The following PALS1 variants were observed in gnomAD, a reference collection of about 807,000 sequenced individuals.
PALS1 encodes the protein protein PALS1.
In PALS1, 31 loss-of-function variants were observed where a neutral mutation model predicts 78.9. That is an observed-to-expected ratio of 0.39 (90% CI 0.30 to 0.53). The LOEUF (loss-of-function observed/expected upper bound fraction) is 0.53, where lower values mean the gene tolerates loss of function less well. PALS1 is among the 20% of genes least tolerant of loss of function. The probability of loss-of-function intolerance (pLI) is 0.67; values close to 1 mark genes in which losing one functional copy is unlikely to be tolerated. For missense variants in PALS1, 704 were observed against 826.5 expected (o/e 0.85, Z 1.82); for synonymous variants, 276 against 270.9 (o/e 1.02, Z -0.18).
chr14:67,292,050 CTTTAG>C (rs1371838804), intron 3 of PALS1, among the ~76,000 whole-genome samples: 2 of 152,126 alleles, frequency 1.3e-5, no homozygotes, highest in Admixed American at 6.5e-5. Context: ...AAATGTTCAA[CTTTAG>C]TTTAATGGTT....
intron 4 of PALS1, among the ~76,000 whole-genome samples, chr14:67,298,579 A>G (rs1042391455): frequency 6.6e-5 from 10 of 152,196 alleles, no homozygotes; most frequent in African/African-American, 2.4e-4. Flanking sequence ...GTAAAAATAA[A>G]TGTCAAGAAT....
chr14:67,280,212 AG>A, intron 3 of PALS1, among the ~76,000 whole-genome samples: 1 of 152,210 alleles, frequency 6.6e-6, no homozygotes, highest in African/African-American at 2.4e-5. Context: ...TCTACAAGAG[AG>A]ATTGATATCA....
chr14:67,305,577 A>G (rs932691330), intron 8 of PALS1, among the ~76,000 whole-genome samples: 5 of 152,188 alleles, frequency 3.3e-5, no homozygotes, highest in African/African-American at 1.2e-4. Flanking sequence ...CACAATGCCC[A>G]GCCAAGACAT....
At chr14:67,295,172 A>C (rs983837614) in intron 4 of PALS1, among the ~76,000 whole-genome samples, 1 of 150,140 alleles carries the variant, frequency 6.7e-6, no homozygotes. Flanking sequence ...TATATAAAGA[A>C]CTCTTGTTGG....
chr14:67,299,203 T>A (rs953152599), intron 4 of PALS1, among the ~76,000 whole-genome samples: 4 of 152,234 alleles, frequency 2.6e-5, no homozygotes, highest in Admixed American at 2.6e-4. Context: ...CTCTATCTTT[T>A]GTGAAATATC....
chr14:67,282,083 G>A (rs2084615078), intron 3 of PALS1, among the ~76,000 whole-genome samples: 1 of 152,134 alleles, frequency 6.6e-6, no homozygotes, highest in Admixed American at 6.5e-5. Context: ...AGTCAACACA[G>A]ATATCTGTTA....
At chr14:67,315,003 G>T (rs1269927528) in intron 9 of PALS1, among the ~76,000 whole-genome samples, 1 of 152,262 alleles carries the variant, frequency 6.6e-6, no homozygotes, top group South Asian at 2.1e-4. Context: ...AGCTATTCAG[G>T]AGGCTGAGGT....
intron 3 of PALS1, among the ~76,000 whole-genome samples, chr14:67,282,990 G>A (rs989862029): frequency 6.6e-6 from 1 of 152,068 alleles, no homozygotes; most frequent in African/African-American, 2.4e-5. Flanking sequence ...AGGGATGACT[G>A]CCATCTATCA....
intron 2 of PALS1, chr14:67,271,388 T>G (rs2084404440): frequency 1.3e-5 from 2 of 152,248 alleles, no homozygotes; most frequent in South Asian, 4.1e-4. Context: ...TGAAGCCTTC[T>G]GTTGTTTGGC....
intron 14 of PALS1, among the ~76,000 whole-genome samples, chr14:67,329,649 C>A (rs1469268247): frequency 6.6e-6 from 1 of 151,778 alleles, no homozygotes; most frequent in Non-Finnish European, 1.5e-5. Context: ...TGAGATACGG[C>A]GGACGCATCA....
intron 3 of PALS1, among the ~76,000 whole-genome samples, chr14:67,286,731 G>A (rs975956962): frequency 6.6e-6 from 1 of 151,346 alleles, no homozygotes; most frequent in African/African-American, 2.4e-5. Flanking sequence ...GGTGGAATGC[G>A]ACTGTGGTCT....
intron 3 of PALS1, among the ~76,000 whole-genome samples, chr14:67,282,801 C>T (rs568497210): frequency 6.6e-6 from 1 of 152,106 alleles, no homozygotes. Flanking sequence ...GAGCAAACTA[C>T]CTTGTGAGAG....
chr14:67,291,006 T>A (rs912128199), intron 3 of PALS1, among the ~76,000 whole-genome samples: 3 of 152,176 alleles, frequency 2.0e-5, no homozygotes, highest in African/African-American at 7.2e-5. Context: ...AAATATTTTT[T>A]AATGACCTAC....
chr14:67,333,077 C>T lies in PALS1; in HGVS notation c.*121C>T. 8.3e-6 allele frequency: 7 copies of T among 847,724 alleles called. No homozygotes were observed. Among genetic ancestry groups the T allele is most frequent in the Non-Finnish European group, 1.3e-5 (7 of 553,552 alleles). The allele number at this position is 847,724 out of a possible 1,614,324, so 52.5% of individuals were successfully genotyped here. A position where few individuals can be genotyped will look rare whatever the true frequency, so the allele number is the denominator to read the frequency against. ...GAAGGCAGCAGTATAAGCTGTAGAT[C>T]TGTTCTTAGATCTCTTGAATTAGTG... is the stretch of plus-strand genomic sequence containing the variant. On this transcript the variant is annotated 3_prime_UTR_variant, in exon 15 of 15. Coordinates refer to ENST00000261681, the MANE Select transcript of PALS1 (RefSeq NM_022474.4).
intron 5 of PALS1, 117 bp downstream of exon 5, chr14:67,301,583 T>C: frequency 1.8e-6 from 1 of 562,758 alleles, no homozygotes. Flanking sequence ...TTTTGATGTT[T>C]ACAACCCCAT....
chr14:67,291,234 CT>C (rs139073520), intron 3 of PALS1, among the ~76,000 whole-genome samples: 197 of 144,646 alleles, frequency 1.4e-3, no homozygotes, highest in Non-Finnish European at 1.3e-3. Flanking sequence ...ACTACCAGTG[CT>C]TTTTTTTTTT....
At chr14:67,291,384 T>G (rs2084771212) in intron 3 of PALS1, among the ~76,000 whole-genome samples, 1 of 151,870 alleles carries the variant, frequency 6.6e-6, no homozygotes, top group Non-Finnish European at 1.5e-5. Flanking sequence ...CCTGCCACTG[T>G]GCAGGGTTCT....
chr14:67,251,146 A>G (rs963036971), intron 1 of PALS1, among the ~76,000 whole-genome samples: 1 of 152,184 alleles, frequency 6.6e-6, no homozygotes, highest in Non-Finnish European at 1.5e-5. Context: ...TTTGTCTGTA[A>G]TATAGCCTGC....
At chr14:67,295,357 G>T (rs2084832550) in intron 4 of PALS1, among the ~76,000 whole-genome samples, 1 of 151,952 alleles carries the variant, frequency 6.6e-6, no homozygotes, top group Admixed American at 6.6e-5. Context: ...GGCTGTAGTG[G>T]TGTACACCTG....
Sources: allele counts gnomAD v4.1 joint callset (sites outside exome capture counted in the v4.1 genomes callset), GRCh38; gene constraint gnomAD v4.1.1; transcripts MANE v1.5; gene names NCBI Gene and HGNC (gene_info 2026-07-23, HGNC 2026-07-21).